Variants in PROSER2 observed in about 807,000 individuals in gnomAD.
PROSER2 encodes proline and serine rich 2.
PROSER2 carries 18 observed loss-of-function variants against 14.6 expected under a neutral mutation model. The observed-to-expected ratio is 1.23, with a 90% CI of 0.85 to 1.83. The LOEUF (loss-of-function observed/expected upper bound fraction) is 1.83, where lower values mean the gene tolerates loss of function less well. Ranked by LOEUF, PROSER2 falls within the 40% of genes most tolerant of loss-of-function variation. The pLI is 0.00. For synonymous variants in PROSER2, 367 were observed against 286.4 expected, an observed-to-expected ratio of 1.28 and a Z score of -2.84; for missense variants, 823 against 629.8, an observed-to-expected ratio of 1.31 and a Z score of -3.28.
chr10:11,825,342 A>G (rs1434445254), intron 1 of PROSER2, among the ~76,000 whole-genome samples: 1 of 152,184 alleles, frequency 6.6e-6, no homozygotes, highest in Admixed American at 6.5e-5. Context: ...GGGGAATCCT[A>G]GGAGCATCCC....
rs192253966 is a variant in PROSER2 at position 11,847,656 on chromosome 10, T to C, written c.-81-4341T>C. ...CTGGTCTCAAACTCCTGACCTCAAG[T>C]GATCCACCCACCTCGGCCTCCCAAA... On this transcript the variant is annotated intron_variant, in intron 1 of 3. Coordinates refer to ENST00000277570, the MANE Select transcript of PROSER2 (RefSeq NM_153256.4). 9.2e-5 allele frequency among the ~76,000 whole-genome samples: 14 copies of C among 151,908 alleles called. No individual in the cohort carries two copies. In the East Asian group the frequency reaches 1.0e-3, roughly 11 times the overall value.
intron 2 of PROSER2, among the ~76,000 whole-genome samples, chr10:11,855,632 T>G (rs1024816678): frequency 6.6e-6 from 1 of 152,028 alleles, no homozygotes; most frequent in African/African-American, 2.4e-5. Flanking sequence ...AGTTAAAAAT[T>G]TAAAAAGCGT....
intron 3 of PROSER2, among the ~76,000 whole-genome samples, chr10:11,868,341 T>TCC (rs1564315270): frequency 6.6e-6 from 1 of 152,198 alleles, no homozygotes; most frequent in Non-Finnish European, 1.5e-5. Flanking sequence ...AATGGCACAG[T>TCC]CCTGGCTCAC....
rs188812547 is a variant in PROSER2, at chr10:11,836,707, T to A, written c.-82+13237T>A. 1.3e-5 allele frequency among the ~76,000 whole-genome samples: 2 copies of A among 152,250 alleles called. No individual in the cohort carries two copies. The highest frequency in any genetic ancestry group is 3.9e-4 in the East Asian group (2 of 5,186). On this transcript the variant is annotated intron_variant, in intron 1 of 3. Transcript: ENST00000277570. This position sits in a 1 kb window ranked among gnomAD's most constrained non-coding sequence, Gnocchi z 4.6. The stretch of plus-strand genomic sequence containing the variant: ...AGGGGGATGTCTTTTAGAAGCTCAT[T>A]TCTACCTCTTTCCCAGCTCAACTGT...
chr10:11,841,273 A>G (rs565584061), intron 1 of PROSER2, among the ~76,000 whole-genome samples: 2 of 152,138 alleles, frequency 1.3e-5, no homozygotes, highest in African/African-American at 4.8e-5. Flanking sequence ...AACCTTTTCA[A>G]CACCCATGGC....
At position 11,870,500 on chromosome 10, in the gene PROSER2, A is replaced by T; in HGVS notation, c.*94A>T. The T allele has an allele frequency of 1.8e-6, 2 of 1,123,660 alleles. No homozygotes were observed. Among genetic ancestry groups the T allele is most frequent in the Non-Finnish European group, 2.4e-6 (2 of 836,390 alleles). 69.6% of individuals were successfully genotyped at this position (1,123,660 alleles called of 1,614,324 possible). ...CCAGGAGCTGTTTGGTCTAAAATGG[A>T]AGTGACAGCGGGAGCCCCTGCCCTC... is the stretch of plus-strand genomic sequence containing the variant. On this transcript the variant is annotated 3_prime_UTR_variant, in exon 4 of 4. Coordinates refer to ENST00000277570, the MANE Select transcript of PROSER2 (RefSeq NM_153256.4).
intron 1 of PROSER2, among the ~76,000 whole-genome samples, chr10:11,846,143 C>T (rs913941157): frequency 3.3e-5 from 5 of 152,124 alleles, no homozygotes; most frequent in Non-Finnish European, 4.4e-5. Flanking sequence ...TGCCCCACCA[C>T]GCCCGGCTCA....
intron 2 of PROSER2, among the ~76,000 whole-genome samples, chr10:11,857,616 G>T (rs969967902): frequency 6.6e-6 from 1 of 151,962 alleles, no homozygotes; most frequent in Admixed American, 6.6e-5. Context: ...GTGGTGACGC[G>T]TGCCTGTAAT....
At chr10:11,850,552 A>G (rs1256696483) in intron 1 of PROSER2, 3 of 152,234 alleles carry the variant, frequency 2.0e-5, no homozygotes, top group Admixed American at 1.3e-4. Context: ...TCCTAGGACC[A>G]TTGACTTTGT....
rs757217933 is a variant in PROSER2, at chr10:11,830,925, G to A, written c.-82+7455G>A. On this transcript the variant is annotated intron_variant, in intron 1 of 3. Coordinates refer to ENST00000277570, the MANE Select transcript of PROSER2 (RefSeq NM_153256.4). The surrounding 1 kb of genome is among the most constrained non-coding windows in gnomAD (Gnocchi z 4.5). ...GCAGCCTCTAGCTCCTGCCCAGAGA[G>A]GAGGTGGTTACTGGCCTCACCTTAC... Among the ~76,000 whole-genome samples the A allele has an allele frequency of 4.6e-5, 7 of 152,148 alleles. No individual in the cohort carries two copies. Among genetic ancestry groups the A allele is most frequent in the Non-Finnish European group, 8.8e-5 (6 of 68,018 alleles).
chr10:11,852,176 G>A lies in PROSER2; in HGVS notation c.99G>A (p.Glu33=). The A allele has an allele frequency of 6.2e-7, 1 of 1,613,142 alleles. No homozygotes were observed. Reference sequence around the variant, plus strand: ...CCTTCAGCAGAGGCGGCAGCCTGGAGAGTCGAAGCAGCAGCTCTCGCTCCA... The same window carrying A: ...CCTTCAGCAGAGGCGGCAGCCTGGAAAGTCGAAGCAGCAGCTCTCGCTCCA... The part of the protein sequence containing the change: ...LRAFSRGGSL[E]SRSSSSRSRS... Residue 33 remains glutamate (E), a synonymous_variant, in exon 2 of 4, where the codon GAG becomes GAA. Transcript: ENST00000277570.
At position 11,865,064 on chromosome 10, in the gene PROSER2, C is replaced by T. The variant is rs1293789539; in HGVS notation, c.139-1467C>T. On this transcript the variant is annotated intron_variant, in intron 2 of 3. Coordinates refer to ENST00000277570, the MANE Select transcript of PROSER2 (RefSeq NM_153256.4). This position sits in a 1 kb window ranked among gnomAD's most constrained non-coding sequence, Gnocchi z 4.2. Reference sequence around the variant, plus strand: ...GACCCCTTTCAGTTTGGAAACTCACCTGTTCCTGTTTAGGGGCATTTCCCT... The same window carrying T: ...GACCCCTTTCAGTTTGGAAACTCACTTGTTCCTGTTTAGGGGCATTTCCCT... Among the ~76,000 whole-genome samples the T allele has an allele frequency of 6.6e-6, 1 of 152,158 alleles. No individual in the cohort carries two copies. The highest frequency in any genetic ancestry group is 1.5e-5 in the Non-Finnish European group (1 of 68,032).
intron 1 of PROSER2, among the ~76,000 whole-genome samples, chr10:11,840,998 G>A (rs913018529): frequency 8.7e-6 from 1 of 115,368 alleles, no homozygotes; most frequent in Admixed American, 9.6e-5. Flanking sequence ...ATATGATGGT[G>A]GGGGTTGTTT....
In PROSER2 at chr10:11,870,953, C is replaced by CTTTAG. The variant is rs1309654082; in HGVS notation, c.*551_*555dup. The CTTTAG allele has an allele frequency of 1.3e-5, 2 of 153,528 alleles. No homozygotes were observed. The highest frequency in any genetic ancestry group is 2.4e-5 in the African/African-American group (1 of 41,406). 9.5% of individuals were successfully genotyped at this position (153,528 alleles called of 1,614,324 possible). ...TACTTTGCTTTTGTTTCTTGACGTA[C>CTTTAG]TTTAGTTTGCCCAGTTTTGTTTTTT... is the stretch of plus-strand genomic sequence containing the variant. On this transcript the variant is annotated 3_prime_UTR_variant, in exon 4 of 4. Coordinates refer to ENST00000277570, the MANE Select transcript of PROSER2 (RefSeq NM_153256.4).
chr10:11,829,498 C>G lies in PROSER2; in HGVS notation c.-82+6028C>G, dbSNP rs531300620. The stretch of plus-strand genomic sequence containing the variant: ...ACTCAGGACGCTGAGGCAGGAGATG[C>G]TTGAGCCCAGGAGGTTGAGGCTACA... On this transcript the variant is annotated intron_variant, in intron 1 of 3. Coordinates refer to ENST00000277570, the MANE Select transcript of PROSER2 (RefSeq NM_153256.4). Among the ~76,000 whole-genome samples the G allele has an allele frequency of 4.0e-5, 6 of 151,848 alleles. No individual in the cohort carries two copies. In the East Asian group the frequency reaches 9.7e-4, roughly 25 times the overall value.
rs1833572562 is a variant in PROSER2, at chr10:11,823,716, G to A, written c.-82+246G>A. On this transcript the variant is annotated intron_variant, in intron 1 of 3. Transcript: ENST00000277570. This position sits in a 1 kb window ranked among gnomAD's most constrained non-coding sequence, Gnocchi z 6.2. ...CTCGGGGACCTCGGAGTCGGGGCGC[G>A]GCGGGGAGCGCGCTGGGTTCCGAGT... Among the ~76,000 whole-genome samples, 2 of 152,190 alleles carry A rather than the reference G, an allele frequency of 1.3e-5. No individual in the cohort carries two copies. The highest frequency in any genetic ancestry group is 4.8e-5 in the African/African-American group (2 of 41,446).
At chr10:11,868,941 G>A (rs7912218) in intron 3 of PROSER2, among the ~76,000 whole-genome samples, 75,231 of 152,116 alleles carry the variant, frequency 0.49, 19,092 homozygotes, top group East Asian at 0.74. Flanking sequence ...GCGAGCCACC[G>A]CGCCCGGCCC....
chr10:11,861,303 G>A (rs1407517114), intron 2 of PROSER2, among the ~76,000 whole-genome samples: 1 of 152,130 alleles, frequency 6.6e-6, no homozygotes, highest in Non-Finnish European at 1.5e-5. Context: ...AGCGTGGCTT[G>A]GTAACCATGC....
chr10:11,858,181 C>A (rs949018032), intron 2 of PROSER2, among the ~76,000 whole-genome samples: 3 of 152,074 alleles, frequency 2.0e-5, no homozygotes, highest in Non-Finnish European at 4.4e-5. Context: ...TCTAGTGATT[C>A]GGCCTCTCAG....
Sources: gnomAD v4.1 joint callset for allele counts (sites outside exome capture counted in the v4.1 genomes callset) on GRCh38, gnomAD v4.1.1 for gene constraint, Gnocchi (gnomAD v3.1) non-coding constraint, MANE v1.5 for transcripts, NCBI Gene and HGNC (gene_info 2026-07-23, HGNC 2026-07-21) for gene names.